SCRN1: variants seen among roughly 807,000 people sequenced by gnomAD.
SCRN1 encodes the protein secernin 1, also known as secernin-1.
SCRN1 carries 19 observed loss-of-function variants against 43.3 expected under a neutral mutation model. The observed-to-expected ratio is 0.44, with a 90% CI of 0.31 to 0.64. The LOEUF (loss-of-function observed/expected upper bound fraction) is 0.64, where lower values mean the gene tolerates loss of function less well. SCRN1 is among the 30% of genes least tolerant of loss of function. The pLI is 0.09. For missense variants in SCRN1, 447 were observed against 524.1 expected, an observed-to-expected ratio of 0.85 and a Z score of 1.44; for synonymous variants, 183 against 188.9, an observed-to-expected ratio of 0.97 and a Z score of 0.26.
chr7:29,972,013 A>G lies in SCRN1; in HGVS notation c.-1-2945T>C, dbSNP rs369039602. Among the ~76,000 whole-genome samples the G allele has an allele frequency of 4.6e-5, 7 of 152,346 alleles. No individual in the cohort carries two copies. The South Asian group carries it at 8.3e-4, about 18-fold the overall frequency. On this transcript the variant is annotated intron_variant, in intron 1 of 7. Coordinates refer to ENST00000242059, the MANE Select transcript of SCRN1 (RefSeq NM_014766.5). ...AAAGCCAGAAAGATAAAGAGGCTCCAGTTCTTTCTCCCCTTAACCTTTCCC... is the reference window on the plus strand; with the variant it reads ...AAAGCCAGAAAGATAAAGAGGCTCCGGTTCTTTCTCCCCTTAACCTTTCCC...
intron 1 of SCRN1, among the ~76,000 whole-genome samples, chr7:29,988,189 A>T (rs1327335645): frequency 6.6e-6 from 1 of 152,160 alleles, no homozygotes; most frequent in Non-Finnish European, 1.5e-5. Flanking sequence ...CTGCTCTTGG[A>T]TGATGTTTAC....
At chr7:29,960,617 T>C (rs1410384013) in intron 2 of SCRN1, among the ~76,000 whole-genome samples, 3 of 152,084 alleles carry the variant, frequency 2.0e-5, no homozygotes, top group Admixed American at 2.0e-4. Context: ...TCTGGAAAAG[T>C]AGTCTAATGT....
At chr7:29,966,231 T>A (rs958481099) in intron 2 of SCRN1, among the ~76,000 whole-genome samples, 1 of 144,762 alleles carries the variant, frequency 6.9e-6, no homozygotes, top group African/African-American at 2.6e-5. Context: ...GGCCCAGCCC[T>A]GGAAGTCACA....
Position 29,923,711 on chromosome 7 carries a change from A to G in SCRN1, c.*246T>C, listed in dbSNP as rs538823023. The G allele has an allele frequency of 4.9e-6, 2 of 407,174 alleles. No individual in the cohort carries two copies. Among genetic ancestry groups the G allele is most frequent in the East Asian group, 4.4e-5 (1 of 22,766 alleles). 25.2% of individuals were successfully genotyped at this position (407,174 alleles called of 1,614,324 possible). ...CAATAATAGCAGCTTAAAATCCACA[A>G]TTAGTCACACAACCGAACAACAGGC... On this transcript the variant is annotated 3_prime_UTR_variant, in exon 8 of 8. Coordinates refer to ENST00000242059, the MANE Select transcript of SCRN1 (RefSeq NM_014766.5).
At chr7:29,930,668 T>C (rs926954266) in intron 6 of SCRN1, among the ~76,000 whole-genome samples, 2 of 152,216 alleles carry the variant, frequency 1.3e-5, no homozygotes, top group Non-Finnish European at 2.9e-5. Context: ...AGAAGGCTGA[T>C]TCTGCCTCTG....
At position 29,948,941 on chromosome 7, in the gene SCRN1, A is replaced by G. The variant is rs1787823015; in HGVS notation, c.342-4762T>C. 2.0e-5 allele frequency among the ~76,000 whole-genome samples: 3 copies of G among 152,186 alleles called. No homozygotes were observed. The South Asian group carries it at 6.2e-4, about 32-fold the overall frequency. Reference sequence around the variant, plus strand: ...AAACATTTACCAGCATACTTCTGACAAAGAGGTTCCAAACGCTTCATAGTT... The same window carrying G: ...AAACATTTACCAGCATACTTCTGACGAAGAGGTTCCAAACGCTTCATAGTT... On this transcript the variant is annotated intron_variant, in intron 3 of 7. Coordinates refer to ENST00000242059, the MANE Select transcript of SCRN1 (RefSeq NM_014766.5).
chr7:29,924,583 C>T (rs1562799024), intron 7 of SCRN1, among the ~76,000 whole-genome samples: 1 of 152,186 alleles, frequency 6.6e-6, no homozygotes, highest in Admixed American at 6.5e-5. Flanking sequence ...AGTGCCACAC[C>T]GTTCCCCCTG....
chr7:29,928,376 A>C (rs1289176002), intron 6 of SCRN1, among the ~76,000 whole-genome samples: 1 of 152,338 alleles, frequency 6.6e-6, no homozygotes, highest in African/African-American at 2.4e-5. Context: ...GTACTCTCTT[A>C]GGTTAGCTTC....
At chr7:29,976,463 T>G (rs2127928387) in intron 1 of SCRN1, among the ~76,000 whole-genome samples, 1 of 152,266 alleles carries the variant, frequency 6.6e-6, no homozygotes, top group African/African-American at 2.4e-5. Context: ...GCGTACAGAT[T>G]TCAGTTTTGC....
At chr7:29,988,816 T>G (rs1170358547) in intron 1 of SCRN1, 1 of 152,408 alleles carries the variant, frequency 6.6e-6, no homozygotes, top group East Asian at 1.9e-4. Context: ...TTCGATGTTT[T>G]CATGGACATT....
At chr7:29,956,506 T>C (rs1788141857) in intron 2 of SCRN1, among the ~76,000 whole-genome samples, 1 of 152,192 alleles carries the variant, frequency 6.6e-6, no homozygotes, top group Non-Finnish European at 1.5e-5. Context: ...ACAGCAGCCT[T>C]AGATCTTTCT....
intron 4 of SCRN1, 116 bp downstream of exon 4, chr7:29,943,861 C>G (rs1208277894): frequency 7.3e-6 from 7 of 956,952 alleles, no homozygotes; most frequent in Admixed American, 3.7e-5. Context: ...CAGTCCCACA[C>G]AGAGAGGACC....
At chr7:29,945,485 GT>G (rs1380912884) in intron 3 of SCRN1, among the ~76,000 whole-genome samples, 2 of 152,208 alleles carry the variant, frequency 1.3e-5, no homozygotes, top group Non-Finnish European at 2.9e-5. Flanking sequence ...TTGAACTTCA[GT>G]TTTATGTCAT....
chr7:29,956,442 G>T (rs777851919), intron 2 of SCRN1, among the ~76,000 whole-genome samples: 7 of 152,238 alleles, frequency 4.6e-5, no homozygotes, highest in Non-Finnish European at 1.0e-4. Flanking sequence ...TCTCAAGGGA[G>T]AATTTTATCA....
At position 29,984,789 on chromosome 7, in the gene SCRN1, C is replaced by T. The variant is rs1789099128; in HGVS notation, c.-2+4853G>A. Reference sequence around the variant, plus strand: ...TACAAAAATTAGCTGGGCGTGGTGGCAGACGCCTGTAATCCCAGCTGCTCA... The same window carrying T: ...TACAAAAATTAGCTGGGCGTGGTGGTAGACGCCTGTAATCCCAGCTGCTCA... On this transcript the variant is annotated intron_variant, in intron 1 of 7. Coordinates refer to ENST00000242059, the MANE Select transcript of SCRN1 (RefSeq NM_014766.5). Among the ~76,000 whole-genome samples, 4 of 145,344 alleles carry T rather than the reference C, an allele frequency of 2.8e-5. No individual in the cohort carries two copies. In the South Asian group the frequency reaches 8.7e-4, roughly 31 times the overall value.
intron 6 of SCRN1, among the ~76,000 whole-genome samples, chr7:29,930,301 T>G (rs1787114867): frequency 6.6e-6 from 1 of 152,236 alleles, no homozygotes; most frequent in South Asian, 2.1e-4. Context: ...AATTCAGGTT[T>G]CATCATTTGT....
At chr7:29,978,826 T>C (rs1490179113) in intron 1 of SCRN1, among the ~76,000 whole-genome samples, 1 of 152,206 alleles carries the variant, frequency 6.6e-6, no homozygotes. Flanking sequence ...ACATCTGATT[T>C]TGCCTCATTT....
At chr7:29,937,557 T>G (rs899305578) in intron 5 of SCRN1, among the ~76,000 whole-genome samples, 18 of 152,292 alleles carry the variant, frequency 1.2e-4, no homozygotes, top group African/African-American at 4.1e-4. Flanking sequence ...GTACATACAA[T>G]CTACTACGCA....
chr7:29,924,593 G>A (rs968856566), intron 7 of SCRN1, among the ~76,000 whole-genome samples: 1 of 152,124 alleles, frequency 6.6e-6, no homozygotes, highest in African/African-American at 2.4e-5. Context: ...CGTTCCCCCT[G>A]CCATGGGCGC....
Sources: allele counts gnomAD v4.1 joint callset (sites outside exome capture counted in the v4.1 genomes callset), GRCh38; gene constraint gnomAD v4.1.1; transcripts MANE v1.5; gene names NCBI Gene and HGNC (gene_info 2026-07-23, HGNC 2026-07-21).